The following SPAG16 variants were observed in gnomAD, a reference collection of about 807,000 sequenced individuals.
SPAG16 encodes the protein sperm associated antigen 16, also known as sperm-associated antigen 16 protein.
Under a neutral mutation model 80.4 loss-of-function variants are expected in SPAG16, and 86 were observed. The ratio of observed to expected loss-of-function variants is 1.07; its 90% confidence interval spans 0.90 to 1.28. The LOEUF is 1.28. Among genes scored for constraint, SPAG16 ranks in the 50% most tolerant of loss-of-function variants. The probability of loss-of-function intolerance (pLI) is 0.00; values close to 1 mark genes in which losing one functional copy is unlikely to be tolerated. For missense variants in SPAG16, 870 were observed against 765.3 expected (o/e 1.14, Z -1.61); for synonymous variants, 294 against 265.9 (o/e 1.11, Z -1.03).
intron 10 of SPAG16, among the ~76,000 whole-genome samples, chr2:213,549,839 A>T (rs2076730840): frequency 6.6e-6 from 1 of 152,148 alleles, no homozygotes; most frequent in Admixed American, 6.5e-5. Flanking sequence ...ATTTGTGTTC[A>T]TTTTATTTAT....
At chr2:213,667,805 A>G (rs1018952101) in intron 10 of SPAG16, among the ~76,000 whole-genome samples, 2 of 152,194 alleles carry the variant, frequency 1.3e-5, no homozygotes, top group Non-Finnish European at 2.9e-5. Flanking sequence ...TGGTCACTGG[A>G]CATTGCCCTT....
intron 13 of SPAG16, among the ~76,000 whole-genome samples, chr2:214,019,536 C>A (rs1023228179): frequency 6.6e-6 from 1 of 152,124 alleles, no homozygotes; most frequent in African/African-American, 2.4e-5. Context: ...GCCAAAAGAT[C>A]CAGTAACTTG....
At chr2:213,837,930 C>G (rs1257988895) in intron 10 of SPAG16, among the ~76,000 whole-genome samples, 3 of 151,960 alleles carry the variant, frequency 2.0e-5, no homozygotes, top group African/African-American at 7.3e-5. Context: ...GACCATGAGC[C>G]AAGAAATGTA....
At chr2:214,392,201 T>A (rs1410243919) in intron 15 of SPAG16, among the ~76,000 whole-genome samples, 2 of 152,100 alleles carry the variant, frequency 1.3e-5, no homozygotes, top group Non-Finnish European at 2.9e-5. Context: ...TTCACTCCCA[T>A]CACCCAGGCT....
chr2:214,342,535 C>T (rs1357556718), intron 15 of SPAG16, among the ~76,000 whole-genome samples: 3 of 152,102 alleles, frequency 2.0e-5, no homozygotes, highest in African/African-American at 7.2e-5. Context: ...TGTCTCCCAT[C>T]ATCCCCAGAT....
At chr2:213,438,420 C>T (rs2125517178) in intron 9 of SPAG16, among the ~76,000 whole-genome samples, 1 of 152,280 alleles carries the variant, frequency 6.6e-6, no homozygotes, top group Non-Finnish European at 1.5e-5. Context: ...CAAGCTAGGG[C>T]CCACTGCTTA....
rs115886046 is a variant in SPAG16, at chr2:214,134,016, T to G, written c.1594-15124T>G. ...TAAAGACCTGGAATTTAAGAGAGAG[T>G]TGTGAATTGGAGATGTAGATTCAAG... On this transcript the variant is annotated intron_variant, in intron 14 of 15. Coordinates refer to ENST00000331683, the MANE Select transcript of SPAG16 (RefSeq NM_024532.5). Among the ~76,000 whole-genome samples the G allele has an allele frequency of 8.5e-3, 1,297 of 152,088 alleles. 12 individuals carry two copies. Among genetic ancestry groups the G allele is most frequent in the Non-Finnish European group, 9.2e-3 (624 of 67,970 alleles).
chr2:213,734,139 A>G (rs778591193), intron 10 of SPAG16, among the ~76,000 whole-genome samples: 5 of 152,148 alleles, frequency 3.3e-5, no homozygotes, highest in Non-Finnish European at 2.9e-5. Flanking sequence ...GCCCCTGGGT[A>G]TGATTTAGGT....
chr2:213,939,036 C>T lies in SPAG16; in HGVS notation c.1400+8891C>T, dbSNP rs547275466. On this transcript the variant is annotated intron_variant, in intron 12 of 15. Transcript: ENST00000331683. ...GACCATACCATCTTCAGTCAAGGAA[C>T]CATGGAATAATCTTTGGTCTCCACA... is the stretch of plus-strand genomic sequence containing the variant. Among the ~76,000 whole-genome samples the T allele has an allele frequency of 3.4e-4, 51 of 152,160 alleles. No individual in the cohort carries two copies. In the South Asian group the frequency reaches 8.9e-3, roughly 27 times the overall value.
intron 10 of SPAG16, among the ~76,000 whole-genome samples, chr2:213,622,029 G>T (rs2061806208): frequency 6.6e-6 from 1 of 152,108 alleles, no homozygotes; most frequent in Non-Finnish European, 1.5e-5. Flanking sequence ...AGTCTCTCAT[G>T]CCTCTCTCAG....
chr2:213,740,476 C>CA (rs1184435056), intron 10 of SPAG16, among the ~76,000 whole-genome samples: 5 of 152,180 alleles, frequency 3.3e-5, no homozygotes, highest in South Asian at 2.1e-4. Flanking sequence ...AAGAGGGCCA[C>CA]ATTTTCTTTT....
chr2:213,733,732 G>A (rs777063105), intron 10 of SPAG16, among the ~76,000 whole-genome samples: 1 of 152,068 alleles, frequency 6.6e-6, no homozygotes, highest in Non-Finnish European at 1.5e-5. Context: ...TCTGTTTCAA[G>A]TGAGACTTCT....
intron 10 of SPAG16, among the ~76,000 whole-genome samples, chr2:213,713,309 C>T (rs938031315): frequency 6.6e-6 from 1 of 152,148 alleles, no homozygotes. Context: ...TCTTGTAAAT[C>T]GGATATGGTT....
At chr2:213,728,842 A>C (rs1319940046) in intron 10 of SPAG16, among the ~76,000 whole-genome samples, 1 of 130,548 alleles carries the variant, frequency 7.7e-6, no homozygotes, top group Non-Finnish European at 1.6e-5. Context: ...GCACCACTGC[A>C]CTCCAGCCTG....
intron 13 of SPAG16, among the ~76,000 whole-genome samples, chr2:214,019,679 A>G (rs1215516960): frequency 6.6e-6 from 1 of 152,160 alleles, no homozygotes; most frequent in Non-Finnish European, 1.5e-5. Flanking sequence ...GTTGGTTTTC[A>G]TAGATAGGAT....
At position 213,346,877 on chromosome 2, in the gene SPAG16, A is replaced by T. The variant is rs192603275; in HGVS notation, c.645-3651A>T. ...TGTTGTGTCTCTGCCAGGCTTTGGT[A>T]TCAGGATGATGCTGGCCTCATAAAA... On this transcript the variant is annotated intron_variant, in intron 6 of 15. Coordinates refer to ENST00000331683, the MANE Select transcript of SPAG16 (RefSeq NM_024532.5). Among the ~76,000 whole-genome samples the T allele has an allele frequency of 7.3e-4, 111 of 152,060 alleles. No individual in the cohort carries two copies. In the East Asian group the frequency reaches 0.017, roughly 23 times the overall value.
chr2:213,459,785 A>G (rs1397094733), intron 9 of SPAG16, among the ~76,000 whole-genome samples: 6 of 152,216 alleles, frequency 3.9e-5, no homozygotes, highest in Non-Finnish European at 5.9e-5. Flanking sequence ...ACATTATCCA[A>G]TGCTTTCAAA....
At chr2:213,731,998 G>A (rs2125426316) in intron 10 of SPAG16, among the ~76,000 whole-genome samples, 1 of 152,236 alleles carries the variant, frequency 6.6e-6, no homozygotes, top group African/African-American at 2.4e-5. Flanking sequence ...CTGTGCCTAT[G>A]TTCTGAATGG....
intron 13 of SPAG16, among the ~76,000 whole-genome samples, chr2:214,034,819 G>C (rs1209040422): frequency 6.6e-6 from 1 of 152,224 alleles, no homozygotes; most frequent in African/African-American, 2.4e-5. Flanking sequence ...AAGGGCTGCA[G>C]ATCTTCTCTC....
Sources: gnomAD v4.1 joint callset for allele counts (sites outside exome capture counted in the v4.1 genomes callset) on GRCh38, gnomAD v4.1.1 for gene constraint, MANE v1.5 for transcripts, NCBI Gene and HGNC (gene_info 2026-07-23, HGNC 2026-07-21) for gene names.